Variants in FBXW4 observed in about 807,000 individuals in gnomAD.
The protein encoded by FBXW4 is F-box and WD repeat domain containing 4, also known as F-box/WD repeat-containing protein 4.
In FBXW4, 40 loss-of-function variants were observed where a neutral mutation model predicts 61.8. The observed-to-expected ratio is 0.65, with a 90% CI of 0.50 to 0.84. The LOEUF (loss-of-function observed/expected upper bound fraction) is 0.84, where lower values mean the gene tolerates loss of function less well. Ranked by LOEUF, FBXW4 falls within the 40% of genes least tolerant of loss-of-function variation. The pLI, the probability that FBXW4 is intolerant of heterozygous loss-of-function variation, is 0.00. For missense variants in FBXW4, 672 were observed against 753.8 expected (o/e 0.89, Z 1.27); for synonymous variants, 311 against 313.8 (o/e 0.99, Z 0.10).
intron 5 of FBXW4, among the ~76,000 whole-genome samples, chr10:101,649,199 T>C (rs2064125659): frequency 6.6e-6 from 1 of 152,144 alleles, no homozygotes; most frequent in Admixed American, 6.5e-5. Flanking sequence ...CCCCTATAGA[T>C]ACATCTAATT....
In FBXW4 at chr10:101,611,780, A is replaced by G. The variant is rs767521128; in HGVS notation, c.1443-11T>C. On this transcript the variant is annotated splice_polypyrimidine_tract_variant and intron_variant, in intron 7 of 8. Coordinates refer to ENST00000331272, the MANE Select transcript of FBXW4 (RefSeq NM_022039.4). This position sits in a 1 kb window ranked among gnomAD's most constrained non-coding sequence, Gnocchi z 4.9. ...TCCATGACACATTTCCTGTCCAGGA[A>G]GAGGAGAAGCAGAGGGAGGTTTAGG... 1 of 1,610,730 alleles carries G rather than the reference A, an allele frequency of 6.2e-7. No homozygotes were observed. Among genetic ancestry groups the G allele is most frequent in the Non-Finnish European group, 8.5e-7 (1 of 1,177,502 alleles).
chr10:101,668,974 C>T (rs774097575), intron 4 of FBXW4, among the ~76,000 whole-genome samples: 3 of 152,202 alleles, frequency 2.0e-5, no homozygotes, highest in Non-Finnish European at 2.9e-5. Context: ...AAAACTCAGG[C>T]AGGACCTTAG....
intron 5 of FBXW4, chr10:101,625,934 T>C (rs1212396889): frequency 1.3e-5 from 2 of 152,324 alleles, no homozygotes; most frequent in South Asian, 2.1e-4. Flanking sequence ...AGTGAGGAGA[T>C]GGATTTCCAC....
At chr10:101,628,821 T>G (rs2063927507) in intron 5 of FBXW4, among the ~76,000 whole-genome samples, 1 of 152,130 alleles carries the variant, frequency 6.6e-6, no homozygotes, top group African/African-American at 2.4e-5. Flanking sequence ...TAAAAGTCAT[T>G]TTGACTCCAT....
At chr10:101,668,077 G>T in intron 4 of FBXW4, 97 bp from the exon 5 acceptor site, 2 of 932,346 alleles carry the variant, frequency 2.1e-6, no homozygotes, top group African/African-American at 1.6e-5. Context: ...GTGGAGAAAT[G>T]GGGAATCCTT....
At chr10:101,675,205 GCT>G (rs1406586067) in intron 2 of FBXW4, among the ~76,000 whole-genome samples, 4 of 152,144 alleles carry the variant, frequency 2.6e-5, no homozygotes, top group Non-Finnish European at 5.9e-5. Flanking sequence ...ACAGATGCCT[GCT>G]CTCTCACTCA....
At chr10:101,624,693 C>T in intron 6 of FBXW4, 52 bp downstream of exon 6, 1 of 1,603,872 alleles carries the variant, frequency 6.2e-7, no homozygotes, top group South Asian at 1.1e-5. Context: ...GCTCAGCAAG[C>T]TTTCCCTCAC....
rs2063968265 is a variant in FBXW4 at position 101,632,597 on chromosome 10, GA to G, written c.1236-7788del. On this transcript the variant is annotated intron_variant, in intron 5 of 8. Transcript: ENST00000331272. The stretch of plus-strand genomic sequence containing the variant: ...GGGAGCACAGAATTAATAGAGAGGG[GA>G]AAAAATAAGGAAATAAAAAACAAAA... 2.6e-5 allele frequency among the ~76,000 whole-genome samples: 4 copies of G among 152,056 alleles called. No individual in the cohort carries two copies. The South Asian group carries it at 8.3e-4, about 32-fold the overall frequency.
chr10:101,673,436 T>A, intron 3 of FBXW4, 52 bp downstream of exon 3: 1 of 1,595,420 alleles, frequency 6.3e-7, no homozygotes, highest in Non-Finnish European at 8.6e-7. Context: ...AGGCAGAATG[T>A]CCCCGAAGTA....
chr10:101,615,116 A>C (rs2063816449), intron 6 of FBXW4, among the ~76,000 whole-genome samples: 1 of 152,150 alleles, frequency 6.6e-6, no homozygotes, highest in Admixed American at 6.5e-5. Flanking sequence ...TGACCCCCCA[A>C]ATTCAGACAT....
chr10:101,675,568 T>C (rs1343335840), intron 2 of FBXW4, among the ~76,000 whole-genome samples: 2 of 152,100 alleles, frequency 1.3e-5, no homozygotes, highest in Middle Eastern at 3.2e-3. Context: ...CTGATGCCAG[T>C]GAAACCAGTG....
chr10:101,623,316 G>C (rs1364332913), intron 6 of FBXW4, among the ~76,000 whole-genome samples: 1 of 152,158 alleles, frequency 6.6e-6, no homozygotes, highest in Admixed American at 6.5e-5. Context: ...GGGAGGCTGA[G>C]ATGGGAGGAT....
chr10:101,652,593 G>C (rs1251495538), intron 5 of FBXW4, among the ~76,000 whole-genome samples: 1 of 151,704 alleles, frequency 6.6e-6, no homozygotes, highest in African/African-American at 2.4e-5. Context: ...AGAGCCAGAG[G>C]AAAGAACTAG....
At chr10:101,621,415 C>T (rs964042197) in intron 6 of FBXW4, among the ~76,000 whole-genome samples, 1 of 152,130 alleles carries the variant, frequency 6.6e-6, no homozygotes, top group Admixed American at 6.5e-5. Flanking sequence ...ATAGTCCTAA[C>T]TACTTGGGAG....
At chr10:101,672,024 C>A (rs543665657) in intron 4 of FBXW4, among the ~76,000 whole-genome samples, 3 of 152,326 alleles carry the variant, frequency 2.0e-5, no homozygotes, top group Non-Finnish European at 4.4e-5. Flanking sequence ...AGAGAAGTTA[C>A]TGAGTAAAGA....
At chr10:101,668,633 T>C (rs2064329555) in intron 4 of FBXW4, among the ~76,000 whole-genome samples, 1 of 152,174 alleles carries the variant, frequency 6.6e-6, no homozygotes, top group East Asian at 1.9e-4. Context: ...CCATATCTCC[T>C]ACAGGTTAAA....
At chr10:101,637,068 TC>T (rs1438466693) in intron 5 of FBXW4, among the ~76,000 whole-genome samples, 1 of 151,938 alleles carries the variant, frequency 6.6e-6, no homozygotes, top group Admixed American at 6.6e-5. Context: ...TTTGAAAATT[TC>T]CGTTATAAAA....
intron 3 of FBXW4, 106 bp from the exon 4 acceptor site, chr10:101,673,153 C>CTAA: frequency 7.1e-7 from 1 of 1,415,140 alleles, no homozygotes; most frequent in Non-Finnish European, 9.5e-7. Context: ...TCCAAATTTG[C>CTAA]TAAGCATTAG....
At chr10:101,660,137 G>T in intron 5 of FBXW4, 2 of 985,432 alleles carry the variant, frequency 2.0e-6, no homozygotes, top group Non-Finnish European at 2.4e-6. Context: ...AGCTGAGAAA[G>T]CACAGGTCAG....
Sources: gnomAD v4.1 joint callset for allele counts (sites outside exome capture counted in the v4.1 genomes callset) on GRCh38, gnomAD v4.1.1 for gene constraint, Gnocchi (gnomAD v3.1) non-coding constraint, MANE v1.5 for transcripts, NCBI Gene and HGNC (gene_info 2026-07-23, HGNC 2026-07-21) for gene names.